HDX: variants seen among roughly 807,000 people sequenced by gnomAD.
HDX encodes chromosome X open reading frame 43.
In HDX, 19 loss-of-function variants were observed where a neutral mutation model predicts 45.2. The observed-to-expected ratio is 0.42, with a 90% CI of 0.29 to 0.62. HDX has a LOEUF of 0.62. Among genes scored for constraint, HDX ranks in the 20% least tolerant of loss-of-function variants. The probability of loss-of-function intolerance (pLI) is 0.20; values close to 1 mark genes in which losing one functional copy is unlikely to be tolerated. For missense variants in HDX, 532 were observed against 493.9 expected (o/e 1.08, Z -0.73); for synonymous variants, 188 against 172.8 (o/e 1.09, Z -0.69).
At chrX:84,380,120 G>T (rs2038152647) in intron 5 of HDX, among the ~76,000 whole-genome samples, 2 of 109,891 alleles carry the variant, frequency 1.8e-5, no homozygotes, top group South Asian at 7.6e-4. Flanking sequence ...AAATATAGCA[G>T]AAATGTACAA....
At chrX:84,474,719 A>G (rs150893155) in intron 3 of HDX, among the ~76,000 whole-genome samples, 1,171 of 112,306 alleles carry the variant, frequency 0.01, 23 homozygotes, top group African/African-American at 0.037. Flanking sequence ...GATTTTTACT[A>G]CTGAATAACT....
chrX:84,326,651 C>T (rs1176551869), intron 9 of HDX, among the ~76,000 whole-genome samples: 1 of 111,302 alleles, frequency 9.0e-6, no homozygotes, highest in African/African-American at 3.3e-5. Flanking sequence ...GTGGCTCACA[C>T]CTGTAACCCC....
At chrX:84,468,338 G>A in intron 4 of HDX, 134 bp downstream of exon 4, 1 of 400,593 alleles carries the variant, frequency 2.5e-6, no homozygotes, top group Non-Finnish European at 4.2e-6. Context: ...TCTTCAAGGA[G>A]TTAACCCCAA....
At chrX:84,495,053 G>C (rs2040971617) in intron 1 of HDX, among the ~76,000 whole-genome samples, 1 of 110,445 alleles carries the variant, frequency 9.1e-6, no homozygotes, top group African/African-American at 3.3e-5. Context: ...ACTACATAGG[G>C]GAACCTCGAG....
intron 5 of HDX, among the ~76,000 whole-genome samples, chrX:84,373,831 C>T (rs2037965766): frequency 9.0e-6 from 1 of 111,092 alleles, no homozygotes; most frequent in Non-Finnish European, 1.9e-5. Context: ...TGGAAGCATT[C>T]CCTTTGAAAA....
At chrX:84,409,029 A>G (rs1400550990) in intron 5 of HDX, among the ~76,000 whole-genome samples, 1 of 111,341 alleles carries the variant, frequency 9.0e-6, no homozygotes, top group East Asian at 2.8e-4. Flanking sequence ...TTTACAAGAA[A>G]GAAACAAACA....
intron 6 of HDX, among the ~76,000 whole-genome samples, chrX:84,352,248 G>A (rs941120570): frequency 3.6e-5 from 4 of 111,844 alleles, no homozygotes; most frequent in African/African-American, 1.3e-4. Context: ...ATATTTGATG[G>A]GGGGAATTTT....
At chrX:84,422,860 G>A (rs1431362024) in intron 5 of HDX, among the ~76,000 whole-genome samples, 1 of 108,032 alleles carries the variant, frequency 9.3e-6, no homozygotes, top group African/African-American at 3.4e-5. Flanking sequence ...AGTAGAGATG[G>A]GGTTTCACCG....
At chrX:84,386,606 T>A (rs1337093824) in intron 5 of HDX, among the ~76,000 whole-genome samples, 1 of 111,991 alleles carries the variant, frequency 8.9e-6, no homozygotes, top group African/African-American at 3.2e-5. Context: ...CAGGAATTTA[T>A]CTATTTCCTC....
chrX:84,356,782 C>T (rs956129665), intron 6 of HDX, among the ~76,000 whole-genome samples: 12 of 109,906 alleles, frequency 1.1e-4, no homozygotes, highest in Non-Finnish European at 2.3e-4. Flanking sequence ...GCCACCACGC[C>T]TGGCTAATTT....
intron 5 of HDX, among the ~76,000 whole-genome samples, chrX:84,365,226 T>C (rs2037721573): frequency 9.0e-6 from 1 of 111,423 alleles, no homozygotes; most frequent in Non-Finnish European, 1.9e-5. Flanking sequence ...ACACTTTAGT[T>C]ACAGTTATCT....
rs755004554 is a variant in HDX, at chrX:84,468,910, G to A, written c.813C>T (p.Ser271=). Residue 271 remains serine (S), a synonymous_variant, in exon 4 of 11, where the codon AGC becomes AGT. Transcript: ENST00000373177. Reference sequence around the variant, plus strand: ...CTCCCAGAATTCTCTGGGGGTAATCGCTAACTGCCAATGAAAACACTTCAC... The same window carrying A: ...CTCCCAGAATTCTCTGGGGGTAATCACTAACTGCCAATGAAAACACTTCAC... ...EIREVFSLAV[S]DYPQRILGGN... The A allele has an allele frequency of 9.9e-6, 12 of 1,210,707 alleles. No homozygotes were observed. The highest frequency in any genetic ancestry group is 2.3e-4 in the Middle Eastern group (1 of 4,344).
intron 4 of HDX, among the ~76,000 whole-genome samples, chrX:84,444,680 AG>A (rs1385535131): frequency 9.0e-6 from 1 of 111,503 alleles, no homozygotes; most frequent in Non-Finnish European, 1.9e-5. Flanking sequence ...CATGGCTAAG[AG>A]TGGATACACA....
chrX:84,380,001 A>G (rs746581542), intron 5 of HDX, among the ~76,000 whole-genome samples: 36 of 111,469 alleles, frequency 3.2e-4, no homozygotes, highest in South Asian at 3.7e-4. Context: ...AAAAGAGAAG[A>G]TACAAATAAA....
At chrX:84,415,387 T>C (rs1347149791) in intron 5 of HDX, among the ~76,000 whole-genome samples, 1 of 111,752 alleles carries the variant, frequency 8.9e-6, no homozygotes, top group Non-Finnish European at 1.9e-5. Context: ...GGAACAGCCC[T>C]TCATTCTGGC....
intron 5 of HDX, among the ~76,000 whole-genome samples, chrX:84,426,908 AC>A (rs2039394855): frequency 9.0e-6 from 1 of 110,732 alleles, no homozygotes; most frequent in Admixed American, 9.7e-5. Flanking sequence ...CACATTATAC[AC>A]CTTAAATATA....
intron 5 of HDX, among the ~76,000 whole-genome samples, chrX:84,435,639 G>A (rs1332680430): frequency 9.5e-6 from 1 of 105,061 alleles, no homozygotes; most frequent in Non-Finnish European, 2.0e-5. Flanking sequence ...CCTTGCCCAC[G>A]CCTATGTCCT....
chrX:84,475,918 G>T (rs779259389), intron 2 of HDX, among the ~76,000 whole-genome samples: 2 of 111,737 alleles, frequency 1.8e-5, no homozygotes, highest in Admixed American at 1.9e-4. Context: ...CCTCTTTAGA[G>T]CTTAAATATA....
intron 2 of HDX, among the ~76,000 whole-genome samples, chrX:84,478,438 G>C (rs2040601919): frequency 8.9e-6 from 1 of 111,808 alleles, no homozygotes; most frequent in African/African-American, 3.3e-5. Context: ...GGAAACACTT[G>C]AGATAAATTC....
Sources: gnomAD v4.1 joint callset for allele counts (sites outside exome capture counted in the v4.1 genomes callset) on GRCh38, gnomAD v4.1.1 for gene constraint, MANE v1.5 for transcripts, NCBI Gene and HGNC (gene_info 2026-07-23, HGNC 2026-07-21) for gene names.